The following DYM variants were observed in gnomAD, a reference collection of about 807,000 sequenced individuals.
DYM encodes dyggve-Melchior-Clausen syndrome protein.
Under a neutral mutation model 93.1 loss-of-function variants are expected in DYM, and 78 were observed. The ratio of observed to expected loss-of-function variants is 0.84; its 90% CI spans 0.70 to 1.01. The LOEUF is 1.01. Among genes scored for constraint, DYM ranks in the 50% least tolerant of loss-of-function variants. The pLI, the probability that DYM is intolerant of heterozygous loss-of-function variation, is 0.00. For missense variants in DYM, 789 were observed against 845.0 expected (o/e 0.93, Z 0.82); for synonymous variants, 321 against 319.7 (o/e 1.00, Z -0.04).
intron 14 of DYM, among the ~76,000 whole-genome samples, chr18:49,200,422 T>C (rs901433113): frequency 6.6e-6 from 1 of 151,956 alleles, no homozygotes; most frequent in Non-Finnish European, 1.5e-5. Flanking sequence ...TTAAACATTA[T>C]ATCAAATATA....
chr18:49,396,770 G>A (rs529200889), intron 2 of DYM, among the ~76,000 whole-genome samples: 10 of 152,054 alleles, frequency 6.6e-5, no homozygotes, highest in South Asian at 4.1e-4. Flanking sequence ...CGTCATTTGC[G>A]GCACCTGGAT....
In DYM at chr18:49,097,433, C is replaced by A. The variant is rs773080872; in HGVS notation, c.1994G>T (p.Gly665Val). ...TCTGTCTTTGGGCAGCGCAACGACG[C>A]CTTGCTTAATGATTTCCAGGACCCG... ...VERVLEIIKQ[G>V]VVALPKDRLK... Residue 665 changes from glycine to valine, a missense_variant, in exon 17 of 18, where the codon GGC becomes GTC. Gly to Val is a moderately radical substitution (Grantham distance 109, BLOSUM62 -3). Around this residue, in one of 3 missense-constraint regions of DYM, gnomAD observed 114 missense variants for 105.8 expected, o/e 1.08. Coordinates refer to ENST00000675505, the MANE Select transcript of DYM (RefSeq NM_001353214.3). The A allele has an allele frequency of 6.8e-6, 11 of 1,613,904 alleles. No individual in the cohort carries two copies. The South Asian group carries it at 8.8e-5, about 13-fold the overall frequency.
intron 5 of DYM, among the ~76,000 whole-genome samples, chr18:49,366,224 C>T (rs2066505308): frequency 6.6e-6 from 1 of 152,168 alleles, no homozygotes; most frequent in Admixed American, 6.5e-5. Flanking sequence ...CATTATTTCC[C>T]AACTAGCACT....
chr18:49,242,427 C>A (rs1001980084), intron 13 of DYM, among the ~76,000 whole-genome samples: 8 of 151,936 alleles, frequency 5.3e-5, no homozygotes, highest in African/African-American at 1.9e-4. Flanking sequence ...ATAATAATAA[C>A]AATAAAAATG....
rs2071069352 is a variant in DYM, at chr18:49,043,288, C to G, written c.*767G>C. 1 of 152,076 alleles carries G rather than the reference C, an allele frequency of 6.6e-6. No individual in the cohort carries two copies. The highest frequency in any genetic ancestry group is 1.5e-5 in the Non-Finnish European group (1 of 68,046). 9.4% of individuals were successfully genotyped at this position (152,076 alleles called of 1,614,324 possible). A position where few individuals can be genotyped will look rare whatever the true frequency, so the allele number is the denominator to read the frequency against. ...AGGACTACAGGAATGTGCCATCATG[C>G]CTGGCTAATTTTTAAGTTTTTTGTA... On this transcript the variant is annotated 3_prime_UTR_variant, in exon 18 of 18. Coordinates refer to ENST00000675505, the MANE Select transcript of DYM (RefSeq NM_001353214.3).
rs2082440095 is a variant in DYM at position 49,122,216 on chromosome 18, G to A, written c.1729-3290C>T. Among the ~76,000 whole-genome samples the A allele has an allele frequency of 5.3e-5, 8 of 152,038 alleles. No individual in the cohort carries two copies. The South Asian group carries it at 1.7e-3, about 32-fold the overall frequency. ...GTCTCTGGGATAGATTCCAGGAGAG[G>A]GATTGCTGAAAAGGCTGTATTTGTA... is the stretch of plus-strand genomic sequence containing the variant. On this transcript the variant is annotated intron_variant, in intron 15 of 17. Transcript: ENST00000675505.
chr18:49,273,527 G>C (rs2094766439), intron 10 of DYM, among the ~76,000 whole-genome samples: 2 of 152,058 alleles, frequency 1.3e-5, no homozygotes, highest in African/African-American at 2.4e-5. Flanking sequence ...TGGTTGTATT[G>C]TCTCATAAGA....
chr18:49,097,382 C>T lies in DYM; in HGVS notation c.2025+20G>A. The T allele has an allele frequency of 1.2e-6, 2 of 1,610,020 alleles. No homozygotes were observed. The highest frequency in any genetic ancestry group is 1.7e-6 in the Non-Finnish European group (2 of 1,176,478). On this transcript the variant is annotated intron_variant, in intron 17 of 17. Coordinates refer to ENST00000675505, the MANE Select transcript of DYM (RefSeq NM_001353214.3). The stretch of plus-strand genomic sequence containing the variant: ...AAGGGACACGGCAGTGTCAAGTGGA[C>T]ATTTCTTTAGCCTTCTTACCTTCAG...
intron 1 of DYM, among the ~76,000 whole-genome samples, chr18:49,445,226 A>G (rs894896720): frequency 7.9e-5 from 12 of 152,296 alleles, no homozygotes; most frequent in African/African-American, 2.9e-4. Context: ...AATATTTATG[A>G]TTTGGTCCTT....
chr18:49,199,096 G>C (rs2091780966), intron 14 of DYM, among the ~76,000 whole-genome samples: 1 of 152,152 alleles, frequency 6.6e-6, no homozygotes, highest in Non-Finnish European at 1.5e-5. Flanking sequence ...GATGAAGCTG[G>C]AAACCATCAC....
At chr18:49,142,280 T>G (rs1027270167) in intron 15 of DYM, among the ~76,000 whole-genome samples, 1 of 152,164 alleles carries the variant, frequency 6.6e-6, no homozygotes, top group Non-Finnish European at 1.5e-5. Flanking sequence ...TTAATTACAG[T>G]GTTGTGTTTA....
chr18:49,103,601 G>A (rs2080430733), intron 16 of DYM, among the ~76,000 whole-genome samples: 1 of 152,132 alleles, frequency 6.6e-6, no homozygotes, highest in African/African-American at 2.4e-5. Flanking sequence ...AAGGTGTAAG[G>A]AAGGGATCCA....
chr18:49,169,242 T>G (rs2088327473), intron 14 of DYM, among the ~76,000 whole-genome samples: 1 of 152,242 alleles, frequency 6.6e-6, no homozygotes, highest in African/African-American at 2.4e-5. Flanking sequence ...AGGTGAGGAC[T>G]GCTCAACTGC....
In DYM at chr18:49,218,577, A is replaced by T. The variant is rs1216292600; in HGVS notation, c.1461-8862T>A. Reference sequence around the variant, plus strand: ...TGTCTCTCAGACCACAGTGCAATGAAACTAGAACTCAGGATTAAGAAACTC... The same window carrying T: ...TGTCTCTCAGACCACAGTGCAATGATACTAGAACTCAGGATTAAGAAACTC... On this transcript the variant is annotated intron_variant, in intron 13 of 17. Coordinates refer to ENST00000675505, the MANE Select transcript of DYM (RefSeq NM_001353214.3). Among the ~76,000 whole-genome samples, 23 of 152,300 alleles carry T rather than the reference A, an allele frequency of 1.5e-4. No homozygotes were observed. In the South Asian group the frequency reaches 2.3e-3, roughly 15 times the overall value.
intron 15 of DYM, among the ~76,000 whole-genome samples, chr18:49,135,466 C>G (rs1252340035): frequency 6.6e-6 from 1 of 152,120 alleles, no homozygotes; most frequent in African/African-American, 2.4e-5. Flanking sequence ...TCATTATCAA[C>G]AAAACTATTA....
At chr18:49,305,580 A>G (rs2061227087) in intron 8 of DYM, among the ~76,000 whole-genome samples, 1 of 152,218 alleles carries the variant, frequency 6.6e-6, no homozygotes, top group African/African-American at 2.4e-5. Flanking sequence ...CAGATGAAAT[A>G]TACTTCCTCC....
intron 17 of DYM, among the ~76,000 whole-genome samples, chr18:49,046,595 G>A (rs1170663299): frequency 6.6e-6 from 1 of 151,984 alleles, no homozygotes; most frequent in African/African-American, 2.4e-5. Context: ...AACATTTACA[G>A]TGATTAAGAC....
intron 16 of DYM, among the ~76,000 whole-genome samples, chr18:49,115,132 T>C (rs893295415): frequency 6.6e-6 from 1 of 152,262 alleles, no homozygotes; most frequent in African/African-American, 2.4e-5. Flanking sequence ...TACCTCATGG[T>C]TTATTTTTTA....
rs1228004512 is a variant in DYM at position 49,080,642 on chromosome 18, A to AC, written c.2025+16759dup. Among the ~76,000 whole-genome samples the AC allele has an allele frequency of 5.9e-3, 660 of 111,368 alleles. 5 individuals are homozygous for AC. Among genetic ancestry groups the AC allele is most frequent in the Middle Eastern group, 0.022 (3 of 136 alleles). The allele number at this position is 111,368 out of a possible 152,430, so 73.1% of individuals were successfully genotyped here. A position where few individuals can be genotyped will look rare whatever the true frequency, so the allele number is the denominator to read the frequency against. ...GGGCGGCTGGCCGGGCGGGGGGCTG[A>AC]CCCCCCCCACCTCCCTCCCGGACGG... On this transcript the variant is annotated intron_variant, in intron 17 of 17. Transcript: ENST00000675505.
Sources: allele counts gnomAD v4.1 joint callset (sites outside exome capture counted in the v4.1 genomes callset), GRCh38; gene constraint gnomAD v4.1.1; regional missense constraint gnomAD v4.1.1; transcripts MANE v1.5; gene names NCBI Gene and HGNC (gene_info 2026-07-23, HGNC 2026-07-21).